The following PBX1 variants were observed in gnomAD, a reference collection of about 807,000 sequenced individuals.
The protein encoded by PBX1 is pre-B-cell leukemia transcription factor 1.
A neutral mutation model predicts 53.4 loss-of-function variants in PBX1; 6 were observed. That is an observed-to-expected ratio of 0.11 (90% confidence interval 0.06 to 0.22). The LOEUF is 0.22. Among genes scored for constraint, PBX1 ranks in the 10% least tolerant of loss-of-function variants. The pLI, the probability that PBX1 is intolerant of heterozygous loss-of-function variation, is 1.00. For missense variants in PBX1, 251 were observed against 551.4 expected, an observed-to-expected ratio of 0.46 and a Z score of 5.46; for synonymous variants, 204 against 212.3, an observed-to-expected ratio of 0.96 and a Z score of 0.34.
Position 164,846,749 on chromosome 1 carries a change from C to G in PBX1, c.*73C>G, listed in dbSNP as rs553844911. On this transcript the variant is annotated 3_prime_UTR_variant, in exon 9 of 9. Transcript: ENST00000420696. ...GGGGCAGGAGGGAGGGTTTCTCTCCCAACGCTGAAGCGGTCAGACTGGAGG... is the reference window on the plus strand; with the variant it reads ...GGGGCAGGAGGGAGGGTTTCTCTCCGAACGCTGAAGCGGTCAGACTGGAGG... 1 of 1,612,158 alleles carries G rather than the reference C, an allele frequency of 6.2e-7. No homozygotes were observed. The highest frequency in any genetic ancestry group is 2.2e-5 in the East Asian group (1 of 44,768).
intron 2 of PBX1, among the ~76,000 whole-genome samples, chr1:164,645,883 G>A (rs570954072): frequency 1.3e-5 from 2 of 152,172 alleles, no homozygotes; most frequent in Admixed American, 6.5e-5. Context: ...TTTGAGGCAG[G>A]AGTTGTGTGA....
At chr1:164,620,553 A>G (rs986373601) in intron 2 of PBX1, among the ~76,000 whole-genome samples, 1 of 152,178 alleles carries the variant, frequency 6.6e-6, no homozygotes, top group Non-Finnish European at 1.5e-5. Flanking sequence ...GGACTTGTCT[A>G]TAACCATATT....
intron 2 of PBX1, among the ~76,000 whole-genome samples, chr1:164,572,116 A>G (rs1653923495): frequency 6.6e-6 from 1 of 151,606 alleles, no homozygotes; most frequent in Non-Finnish European, 1.5e-5. Flanking sequence ...CATGTTGACC[A>G]GGCTGGTCTC....
intron 1 of PBX1, chr1:164,560,299 A>C: frequency 2.5e-6 from 1 of 399,962 alleles, no homozygotes; most frequent in East Asian, 3.6e-5. Flanking sequence ...CATGCCGAAA[A>C]TACTGCCAAC....
At chr1:164,609,496 C>G (rs2101822025) in intron 2 of PBX1, among the ~76,000 whole-genome samples, 1 of 152,282 alleles carries the variant, frequency 6.6e-6, no homozygotes, top group Non-Finnish European at 1.5e-5. Flanking sequence ...TCGCCACACC[C>G]TTCTTTCCCT....
chr1:164,873,926 T>C (rs1390255948), intron 2 of PBX1, among the ~76,000 whole-genome samples: 1 of 151,846 alleles, frequency 6.6e-6, no homozygotes, highest in Non-Finnish European at 1.5e-5. Flanking sequence ...TTACTGGCTT[T>C]TAATTTCAAA....
intron 2 of PBX1, among the ~76,000 whole-genome samples, chr1:164,702,082 A>G (rs1663154466): frequency 6.6e-6 from 1 of 152,210 alleles, no homozygotes; most frequent in South Asian, 2.1e-4. Context: ...CTTTGTTAAA[A>G]GGTATAGCTT....
chr1:164,872,679 A>G (rs1336714215), intron 2 of PBX1, among the ~76,000 whole-genome samples: 2 of 152,094 alleles, frequency 1.3e-5, no homozygotes, highest in African/African-American at 4.8e-5. Context: ...GCCACCACAC[A>G]CCATTGGCCT....
intron 3 of PBX1, among the ~76,000 whole-genome samples, chr1:164,793,567 A>G (rs1423638155): frequency 6.6e-6 from 1 of 152,136 alleles, no homozygotes; most frequent in Non-Finnish European, 1.5e-5. Flanking sequence ...CCCGATTATA[A>G]CAGAGCCCCT....
intron 2 of PBX1, among the ~76,000 whole-genome samples, chr1:164,639,051 C>T (rs1409840266): frequency 6.6e-6 from 1 of 152,212 alleles, no homozygotes. Flanking sequence ...CTTATCTCTT[C>T]TACCTACCAG....
At chr1:164,826,542 T>A (rs1670474022) in intron 8 of PBX1, among the ~76,000 whole-genome samples, 1 of 152,026 alleles carries the variant, frequency 6.6e-6, no homozygotes, top group Non-Finnish European at 1.5e-5. Flanking sequence ...GTAGCCGGGA[T>A]TACAGGTTTG....
rs902272751 is a variant in PBX1, at chr1:164,833,756, G to C, written c.1200+12130G>C. Among the ~76,000 whole-genome samples, 3 of 152,024 alleles carry C rather than the reference G, an allele frequency of 2.0e-5. No individual in the cohort carries two copies. The East Asian group carries it at 5.8e-4, about 29-fold the overall frequency. On this transcript the variant is annotated intron_variant, in intron 8 of 8. Coordinates refer to ENST00000420696, the MANE Select transcript of PBX1 (RefSeq NM_002585.4). ...GTTGAACCTGTTGTCAGTGGGTTTT[G>C]TGTGTATGTTTTTTTAACCAGCAAC...
chr1:164,838,935 A>G (rs1299733404), intron 8 of PBX1, among the ~76,000 whole-genome samples: 2 of 152,168 alleles, frequency 1.3e-5, no homozygotes, highest in Non-Finnish European at 2.9e-5. Flanking sequence ...TTGTTGAATG[A>G]TTTACCATCT....
At chr1:164,613,137 A>G (rs1221600143) in intron 2 of PBX1, among the ~76,000 whole-genome samples, 2 of 152,228 alleles carry the variant, frequency 1.3e-5, no homozygotes, top group African/African-American at 4.8e-5. Context: ...GTAGAATACC[A>G]TGAATACTGT....
intron 2 of PBX1, among the ~76,000 whole-genome samples, chr1:164,618,780 C>G (rs1009352242): frequency 6.6e-6 from 1 of 152,152 alleles, no homozygotes; most frequent in Non-Finnish European, 1.5e-5. Flanking sequence ...AATAAGGAAG[C>G]TGGCAATTCA....
chr1:164,762,900 T>C (rs1280172539), intron 2 of PBX1, among the ~76,000 whole-genome samples: 2 of 152,218 alleles, frequency 1.3e-5, no homozygotes, highest in African/African-American at 2.4e-5. Flanking sequence ...TTGACCTACT[T>C]TTCTTTGGAA....
chr1:164,756,984 G>A (rs1261886497), intron 2 of PBX1, among the ~76,000 whole-genome samples: 1 of 152,216 alleles, frequency 6.6e-6, no homozygotes, highest in African/African-American at 2.4e-5. Context: ...TGTAGGGAAG[G>A]GAGTTGGGAG....
chr1:164,641,792 C>G (rs1659162898), intron 2 of PBX1: 1 of 152,172 alleles, frequency 6.6e-6, no homozygotes, highest in Non-Finnish European at 1.5e-5. Context: ...GTGTGAACAT[C>G]TGGATTTGCA....
chr1:164,750,369 CAAAAT>C (rs759181795), intron 2 of PBX1, among the ~76,000 whole-genome samples: 4 of 152,060 alleles, frequency 2.6e-5, no homozygotes. Flanking sequence ...CGGCTACTGT[CAAAAT>C]AACACAGTAT....
Sources: allele counts gnomAD v4.1 joint callset (sites outside exome capture counted in the v4.1 genomes callset), GRCh38; gene constraint gnomAD v4.1.1; transcripts MANE v1.5; gene names NCBI Gene and HGNC (gene_info 2026-07-23, HGNC 2026-07-21).